The following TMEM132D variants were observed in gnomAD, a reference collection of about 807,000 sequenced individuals.
TMEM132D encodes transmembrane protein 132D, also known as mature OL transmembrane protein.
In TMEM132D, 21 loss-of-function variants were observed where a neutral mutation model predicts 62.3. The ratio of observed to expected loss-of-function variants is 0.34; its 90% CI spans 0.24 to 0.49. TMEM132D has a LOEUF of 0.49. TMEM132D is among the 20% of genes least tolerant of loss of function. The pLI, the probability that TMEM132D is intolerant of heterozygous loss-of-function variation, is 0.99. For synonymous variants in TMEM132D, 621 were observed against 575.6 expected (o/e 1.08, Z -1.13); for missense variants, 1,346 against 1,402.8 (o/e 0.96, Z 0.65).
intron 5 of TMEM132D, among the ~76,000 whole-genome samples, chr12:129,145,887 T>A (rs1876879785): frequency 6.6e-6 from 1 of 152,026 alleles, no homozygotes; most frequent in Non-Finnish European, 1.5e-5. Context: ...CTTCCTCATC[T>A]CTCTTTTCCA....
Position 129,322,128 on chromosome 12 carries a change from G to A in TMEM132D, c.1299+15506C>T, listed in dbSNP as rs1224377814. Among the ~76,000 whole-genome samples, 3 of 148,602 alleles carry A rather than the reference G, an allele frequency of 2.0e-5. No individual in the cohort carries two copies. The Admixed American group carries it at 2.0e-4, about 10-fold the overall frequency. On this transcript the variant is annotated intron_variant, in intron 4 of 8. Coordinates refer to ENST00000422113, the MANE Select transcript of TMEM132D (RefSeq NM_133448.3). ...GCCACGATGGCCATTTCTCTTGATGGTAGAGCATTGATACAATGACCTTTT... is the reference window on the plus strand; with the variant it reads ...GCCACGATGGCCATTTCTCTTGATGATAGAGCATTGATACAATGACCTTTT...
At chr12:129,612,875 G>A (rs35457927) in intron 2 of TMEM132D, among the ~76,000 whole-genome samples, 16,311 of 152,014 alleles carry the variant, frequency 0.11, 1,022 homozygotes, top group Middle Eastern at 0.16. Flanking sequence ...CCAACAAACG[G>A]ACAAACAAAA....
At chr12:129,738,167 A>G (rs914831229) in intron 1 of TMEM132D, among the ~76,000 whole-genome samples, 1 of 152,198 alleles carries the variant, frequency 6.6e-6, no homozygotes, top group African/African-American at 2.4e-5. Context: ...CAGGGTGAAA[A>G]AAATCAATGA....
At chr12:129,502,713 A>G (rs183447330) in intron 3 of TMEM132D, among the ~76,000 whole-genome samples, 104 of 152,290 alleles carry the variant, frequency 6.8e-4, no homozygotes, top group African/African-American at 2.5e-3. Flanking sequence ...GAAAGAAAGA[A>G]AGTTTATTCC....
At chr12:129,105,970 A>G (rs1875484439) in intron 5 of TMEM132D, among the ~76,000 whole-genome samples, 1 of 151,794 alleles carries the variant, frequency 6.6e-6, no homozygotes, top group Admixed American at 6.5e-5. Flanking sequence ...ATGCACATGT[A>G]TGTTTATTGT....
intron 3 of TMEM132D, among the ~76,000 whole-genome samples, chr12:129,488,062 T>C (rs1233289021): frequency 6.6e-6 from 1 of 151,268 alleles, no homozygotes; most frequent in Non-Finnish European, 1.5e-5. Context: ...GAGGACATGG[T>C]GTCCTCAGCA....
At chr12:129,163,587 C>A (rs990384447) in intron 5 of TMEM132D, among the ~76,000 whole-genome samples, 1 of 152,204 alleles carries the variant, frequency 6.6e-6, no homozygotes, top group Non-Finnish European at 1.5e-5. Flanking sequence ...GTGGTGGGTG[C>A]CTCTAATTCT....
chr12:129,631,518 G>A (rs1272550083), intron 2 of TMEM132D, among the ~76,000 whole-genome samples: 1 of 152,184 alleles, frequency 6.6e-6, no homozygotes, highest in Non-Finnish European at 1.5e-5. Context: ...GAGAATTACT[G>A]AGGAAAAATT....
At chr12:129,577,100 C>T (rs940629264) in intron 2 of TMEM132D, among the ~76,000 whole-genome samples, 2 of 151,710 alleles carry the variant, frequency 1.3e-5, no homozygotes, top group Admixed American at 6.6e-5. Context: ...ATGGTGTCAC[C>T]GAAGGTTTAC....
intron 5 of TMEM132D, among the ~76,000 whole-genome samples, chr12:129,196,281 T>C (rs952580082): frequency 6.6e-6 from 1 of 152,188 alleles, no homozygotes; most frequent in African/African-American, 2.4e-5. Context: ...GCAGGTAGGA[T>C]GCAGTTGTGG....
At chr12:129,357,183 C>T (rs1014949409) in intron 3 of TMEM132D, among the ~76,000 whole-genome samples, 3 of 141,636 alleles carry the variant, frequency 2.1e-5, no homozygotes, top group Non-Finnish European at 4.6e-5. Context: ...GGAGGTGGAG[C>T]TTGCAGTGAG....
chr12:129,226,087 T>C (rs529431471), intron 4 of TMEM132D, among the ~76,000 whole-genome samples: 231 of 152,332 alleles, frequency 1.5e-3, no homozygotes, highest in Middle Eastern at 6.8e-3. Context: ...TCAAGGGTGA[T>C]GTTGATTGCG....
At chr12:129,387,341 G>A (rs1010883993) in intron 3 of TMEM132D, among the ~76,000 whole-genome samples, 2 of 151,400 alleles carry the variant, frequency 1.3e-5, no homozygotes, top group Middle Eastern at 3.2e-3. Flanking sequence ...TGACACTAAC[G>A]CTAATACTAA....
chr12:129,419,642 T>C (rs1348697891), intron 3 of TMEM132D, among the ~76,000 whole-genome samples: 3 of 152,232 alleles, frequency 2.0e-5, no homozygotes, highest in Non-Finnish European at 2.9e-5. Flanking sequence ...TCTTTATGGC[T>C]AATCTGCCTC....
At chr12:129,633,017 A>G (rs1879386075) in intron 2 of TMEM132D, among the ~76,000 whole-genome samples, 1 of 152,228 alleles carries the variant, frequency 6.6e-6, no homozygotes, top group Admixed American at 6.5e-5. Context: ...CATAGGGGTA[A>G]GTAGGATGCT....
chr12:129,820,604 T>A (rs984794284), intron 1 of TMEM132D, among the ~76,000 whole-genome samples: 6 of 152,242 alleles, frequency 3.9e-5, no homozygotes, highest in African/African-American at 1.4e-4. Flanking sequence ...CCCAAAACTT[T>A]CAGCAGCCTT....
chr12:129,730,026 G>A (rs1869177233), intron 1 of TMEM132D, among the ~76,000 whole-genome samples: 2 of 152,074 alleles, frequency 1.3e-5, no homozygotes, highest in Admixed American at 6.5e-5. Flanking sequence ...CCAATGATAA[G>A]CCCACCACAC....
At chr12:129,144,255 T>C (rs981268848) in intron 5 of TMEM132D, among the ~76,000 whole-genome samples, 7 of 152,122 alleles carry the variant, frequency 4.6e-5, no homozygotes, top group Non-Finnish European at 7.4e-5. Context: ...TGTCACTCTG[T>C]GGTAGAGGTA....
In TMEM132D at chr12:129,420,306, GTTTTTTT is replaced by G. The variant is rs71082709; in HGVS notation, c.1116-82496_1116-82490del. Among the ~76,000 whole-genome samples, 231 of 112,310 alleles carry G rather than the reference GTTTTTTT, an allele frequency of 2.1e-3. 1 individual carries two copies. Among genetic ancestry groups the G allele is most frequent in the African/African-American group, 8.3e-3 (208 of 24,962 alleles). 73.7% of individuals were successfully genotyped at this position (112,310 alleles called of 152,430 possible). The stretch of plus-strand genomic sequence containing the variant: ...AATTTCAAATTATTGCACGTTCTCT[GTTTTTTT>G]TTTTTTTTTTTTTTTTTGCAGTATC... On this transcript the variant is annotated intron_variant, in intron 3 of 8. Transcript: ENST00000422113.
Sources: allele counts gnomAD v4.1 joint callset (sites outside exome capture counted in the v4.1 genomes callset), GRCh38; gene constraint gnomAD v4.1.1; transcripts MANE v1.5; gene names NCBI Gene and HGNC (gene_info 2026-07-23, HGNC 2026-07-21).